The following RBFOX1 variants were observed in gnomAD, a reference collection of about 807,000 sequenced individuals.
RBFOX1 encodes RNA binding fox-1 homolog 1.
A neutral mutation model predicts 57.7 loss-of-function variants in RBFOX1; 8 were observed. That is an observed-to-expected ratio of 0.14 (90% CI 0.08 to 0.25). RBFOX1 has a LOEUF of 0.25. RBFOX1 is among the 10% of genes least tolerant of loss of function. RBFOX1 has a pLI of 1.00. For missense variants in RBFOX1, 611 were observed against 548.5 expected (o/e 1.11, Z -1.14); for synonymous variants, 326 against 222.4 (o/e 1.47, Z -4.15).
At chr16:7,153,426 A>G (rs1033829074) in intron 4 of RBFOX1, among the ~76,000 whole-genome samples, 2 of 152,034 alleles carry the variant, frequency 1.3e-5, no homozygotes, top group South Asian at 2.1e-4. Flanking sequence ...GGGAGGGAGG[A>G]CATGTATTGG....
chr16:5,493,312 C>A (rs115586185), intron 2 of RBFOX1, among the ~76,000 whole-genome samples: 4 of 152,124 alleles, frequency 2.6e-5, no homozygotes, highest in Non-Finnish European at 2.9e-5. Flanking sequence ...CCTCAAGCAA[C>A]CCTCCCACCT....
chr16:7,581,306 A>C lies in RBFOX1; in HGVS notation c.414+1386A>C, dbSNP rs536348271. Among the ~76,000 whole-genome samples the C allele has an allele frequency of 2.6e-5, 4 of 152,314 alleles. No individual in the cohort carries two copies. The South Asian group carries it at 8.3e-4, about 32-fold the overall frequency. On this transcript the variant is annotated intron_variant, in intron 6 of 15. Coordinates refer to ENST00000550418, the MANE Select transcript of RBFOX1 (RefSeq NM_018723.4). ...CTTTCAGGTCAAAGATGACTTTGAA[A>C]AGTGCAGAGCATTCAAAGTGAGAGT...
At chr16:7,187,690 C>CAAAAAAAAAAAAAAAA (rs536529201) in intron 4 of RBFOX1, among the ~76,000 whole-genome samples, 11 of 72,564 alleles carry the variant, frequency 1.5e-4, no homozygotes, top group Non-Finnish European at 2.1e-4. Context: ...CTCTGTCTCA[C>CAAAAAAAAAAAAAAAA]AAAAAAAAAA....
intron 4 of RBFOX1, among the ~76,000 whole-genome samples, chr16:7,338,148 C>T (rs1041498979): frequency 1.3e-5 from 2 of 152,144 alleles, no homozygotes; most frequent in Middle Eastern, 3.2e-3. Flanking sequence ...CCTATTAACC[C>T]ATCACCGATG....
intron 2 of RBFOX1, among the ~76,000 whole-genome samples, chr16:6,556,258 A>G (rs1218466703): frequency 6.6e-6 from 1 of 152,190 alleles, no homozygotes; most frequent in Non-Finnish European, 1.5e-5. Flanking sequence ...CTGCATGTGT[A>G]CAAAAAGGCA....
At chr16:6,121,960 C>T (rs1438260088) in intron 1 of RBFOX1, among the ~76,000 whole-genome samples, 1 of 152,108 alleles carries the variant, frequency 6.6e-6, no homozygotes, top group Non-Finnish European at 1.5e-5. Context: ...GGCTGGAGTG[C>T]AGTGGCATGA....
chr16:6,021,364 A>AG (rs1477228962), intron 1 of RBFOX1, among the ~76,000 whole-genome samples: 2 of 151,904 alleles, frequency 1.3e-5, no homozygotes, highest in Non-Finnish European at 2.9e-5. Flanking sequence ...GAGAAAAAAA[A>AG]GATGAGAGGG....
In RBFOX1 at chr16:6,096,647, A is replaced by G. The variant is rs577690418; in HGVS notation, c.-127+76655A>G. Among the ~76,000 whole-genome samples, 18 of 152,318 alleles carry G rather than the reference A, an allele frequency of 1.2e-4. No individual in the cohort carries two copies. In the South Asian group the frequency reaches 3.1e-3, roughly 26 times the overall value. On this transcript the variant is annotated intron_variant, in intron 1 of 15. Coordinates refer to ENST00000550418, the MANE Select transcript of RBFOX1 (RefSeq NM_018723.4). The stretch of plus-strand genomic sequence containing the variant: ...ACTTTCTTTTCATTGGGTTTGATAC[A>G]GTGGCATCAATCTTACAGTTTATCA...
At chr16:7,059,448 A>C (rs1046218104) in intron 4 of RBFOX1, among the ~76,000 whole-genome samples, 5 of 152,210 alleles carry the variant, frequency 3.3e-5, no homozygotes, top group Admixed American at 2.0e-4. Context: ...CAGTAGAGGT[A>C]TAATAATATA....
intron 1 of RBFOX1, chr16:5,366,680 A>G (rs2065725777): frequency 2.4e-6 from 1 of 421,434 alleles, no homozygotes; most frequent in Admixed American, 2.8e-5. Flanking sequence ...CAGTGGAGGA[A>G]GTCTCTTTAA....
At chr16:7,339,821 C>G (rs375365513) in intron 4 of RBFOX1, among the ~76,000 whole-genome samples, 4 of 152,314 alleles carry the variant, frequency 2.6e-5, no homozygotes, top group South Asian at 4.2e-4. Context: ...AAAAAAGCAT[C>G]TAGCTCCAGC....
intron 1 of RBFOX1, among the ~76,000 whole-genome samples, chr16:6,277,478 A>AAAAAAAAAAAAAAAAC (rs2075938684): frequency 7.6e-6 from 1 of 131,666 alleles, no homozygotes; most frequent in African/African-American, 2.8e-5. Context: ...AAAAAAAAAA[A>AAAAAAAAAAAAAAAAC]CCTCAATTTT....
intron 5 of RBFOX1, among the ~76,000 whole-genome samples, chr16:7,555,393 G>A (rs1483820024): frequency 1.3e-5 from 2 of 152,156 alleles, no homozygotes; most frequent in East Asian, 1.9e-4. Context: ...AGACACCAGT[G>A]TTACCTTCCT....
rs189502810 is a variant in RBFOX1, at chr16:6,450,039, G to T, written c.-64+132982G>T. Among the ~76,000 whole-genome samples, 359 of 152,286 alleles carry T rather than the reference G, an allele frequency of 2.4e-3. 1 individual carries two copies. Among genetic ancestry groups the T allele is most frequent in the African/African-American group, 8.3e-3 (347 of 41,560 alleles). On this transcript the variant is annotated intron_variant, in intron 2 of 15. Transcript: ENST00000550418. ...ATTGCAATTTGGGGTAATATTAGGA[G>T]CCCATCTTTAAGGAGATAGTAAGAA...
intron 3 of RBFOX1, among the ~76,000 whole-genome samples, chr16:6,955,596 C>T (rs1178756045): frequency 6.6e-6 from 1 of 152,090 alleles, no homozygotes; most frequent in African/African-American, 2.4e-5. Flanking sequence ...TATGCTGGTG[C>T]ATTGTATTGC....
chr16:7,403,974 A>C (rs1008507309), intron 4 of RBFOX1, among the ~76,000 whole-genome samples: 2 of 149,834 alleles, frequency 1.3e-5, no homozygotes, highest in African/African-American at 4.9e-5. Flanking sequence ...AGTTGTTTTT[A>C]TTATTGTGAA....
chr16:7,265,357 G>C (rs2153086259), intron 4 of RBFOX1, among the ~76,000 whole-genome samples: 1 of 152,206 alleles, frequency 6.6e-6, no homozygotes, highest in South Asian at 2.1e-4. Flanking sequence ...GAGAGGGAGA[G>C]GAAAGAAGTG....
intron 1 of RBFOX1, among the ~76,000 whole-genome samples, chr16:5,304,278 G>A (rs1323339385): frequency 1.3e-5 from 2 of 152,200 alleles, no homozygotes; most frequent in East Asian, 1.9e-4. Context: ...TTACACATTG[G>A]TAGCATCCTC....
At chr16:6,928,785 G>A (rs150458939) in intron 3 of RBFOX1, among the ~76,000 whole-genome samples, 8 of 152,058 alleles carry the variant, frequency 5.3e-5, no homozygotes, top group Non-Finnish European at 8.8e-5. Context: ...ATTTCTTTCC[G>A]CTATGAAAAG....
Sources: allele counts gnomAD v4.1 joint callset (sites outside exome capture counted in the v4.1 genomes callset), GRCh38; gene constraint gnomAD v4.1.1; transcripts MANE v1.5; gene names NCBI Gene and HGNC (gene_info 2026-07-23, HGNC 2026-07-21).